FCHO2: variants seen among roughly 807,000 people sequenced by gnomAD.
The protein encoded by FCHO2 is FCH and mu domain containing endocytic adaptor 2.
FCHO2 carries 43 observed loss-of-function variants against 114.1 expected under a neutral mutation model. That is an observed-to-expected ratio of 0.38 (90% confidence interval 0.30 to 0.49). The LOEUF (loss-of-function observed/expected upper bound fraction) is 0.49. FCHO2 is among the 20% of genes least tolerant of loss of function. The pLI, the probability that FCHO2 is intolerant of heterozygous loss-of-function variation, is 0.97. For synonymous variants in FCHO2, 293 were observed against 315.2 expected (o/e 0.93, Z 0.75); for missense variants, 807 against 950.4 (o/e 0.85, Z 1.98).
At chr5:73,041,533 G>A (rs2112810212) in intron 11 of FCHO2, among the ~76,000 whole-genome samples, 1 of 152,104 alleles carries the variant, frequency 6.6e-6, no homozygotes, top group South Asian at 2.1e-4. Flanking sequence ...TTTGAAGAGT[G>A]GACATTTTAC....
intron 5 of FCHO2, among the ~76,000 whole-genome samples, chr5:73,001,109 G>C (rs1360758453): frequency 6.6e-6 from 1 of 152,006 alleles, no homozygotes; most frequent in East Asian, 1.9e-4. Flanking sequence ...AAATATACAT[G>C]TTTCTGGTGG....
In FCHO2 at chr5:73,006,554, G is replaced by A; in HGVS notation, c.600+5G>A. 1 of 1,500,790 alleles carries A rather than the reference G, an allele frequency of 6.7e-7. No individual in the cohort carries two copies. Among genetic ancestry groups the A allele is most frequent in the Non-Finnish European group, 8.9e-7 (1 of 1,129,056 alleles). 93.0% of individuals were successfully genotyped at this position (1,500,790 alleles called of 1,614,324 possible). On this transcript the variant is annotated splice_donor_5th_base_variant and intron_variant, in intron 6 of 25. Coordinates refer to ENST00000430046, the MANE Select transcript of FCHO2 (RefSeq NM_138782.3). ...AAAATGACAGAAACAGCTCAGGTTG[G>A]TATTTTAAGGCTTCAGATTGAAAAC...
chr5:72,968,527 C>T lies in FCHO2; in HGVS notation c.63C>T (p.Leu21=), dbSNP rs1752329392. Residue 21 remains leucine (L), a synonymous_variant, in exon 2 of 26, where the codon CTC becomes CTT. Transcript: ENST00000430046. The part of the protein sequence containing the change: ...WGEKNSGFDV[L]YHNMKHGQIS... ...AAAAAAATAGTGGCTTTGATGTCCT[C>T]TACCATAATATGAAACATGGACAGA... is the stretch of plus-strand genomic sequence containing the variant. The T allele has an allele frequency of 1.3e-6, 2 of 1,544,394 alleles. No homozygotes were observed. The highest frequency in any genetic ancestry group is 8.7e-7 in the Non-Finnish European group (1 of 1,153,880).
Position 73,006,488 on chromosome 5 carries a change from A to G in FCHO2, c.539A>G (p.Tyr180Cys), listed in dbSNP as rs1754722125. 1.9e-6 allele frequency: 3 copies of G among 1,577,864 alleles called. No individual in the cohort carries two copies. Among genetic ancestry groups the G allele is most frequent in the African/African-American group, 2.7e-5 (2 of 73,346 alleles). Residue 180 changes from tyrosine (Y) to cysteine (C), a missense_variant, in exon 6 of 26, where the codon TAT (tyrosine) becomes TGT (cysteine). Coordinates refer to ENST00000430046, the MANE Select transcript of FCHO2 (RefSeq NM_138782.3). ...AAAGCTACAGATACCTATAAACTCT[A>G]TGTGGAAAAATATGCATTAGCAAAA... Reference protein sequence around the residue: ...SKKATDTYKLYVEKYALAKAD... With the variant: ...SKKATDTYKLCVEKYALAKAD...
At chr5:73,066,927 A>G (rs1057505516) in intron 18 of FCHO2, among the ~76,000 whole-genome samples, 1 of 152,058 alleles carries the variant, frequency 6.6e-6, no homozygotes, top group Non-Finnish European at 1.5e-5. Flanking sequence ...ATATAATATA[A>G]GCAACATATA....
At chr5:73,014,391 C>T (rs1402054411) in intron 6 of FCHO2, among the ~76,000 whole-genome samples, 7 of 150,544 alleles carry the variant, frequency 4.6e-5, no homozygotes, top group South Asian at 2.1e-4. Flanking sequence ...CGGGTTCAAG[C>T]GATTCTCCTG....
At chr5:72,967,256 G>T (rs929613558) in intron 1 of FCHO2, among the ~76,000 whole-genome samples, 1 of 152,190 alleles carries the variant, frequency 6.6e-6, no homozygotes, top group Non-Finnish European at 1.5e-5. Context: ...CTGCACTCCA[G>T]CCTGGATGAT....
At chr5:72,981,708 A>T (rs925652941) in intron 2 of FCHO2, among the ~76,000 whole-genome samples, 2 of 152,120 alleles carry the variant, frequency 1.3e-5, no homozygotes, top group Non-Finnish European at 2.9e-5. Context: ...TCTTCAGTCT[A>T]TGATATCCTT....
At chr5:73,052,580 A>G in intron 13 of FCHO2, 73 bp downstream of exon 13, 9 of 1,175,636 alleles carry the variant, frequency 7.7e-6, no homozygotes, top group Middle Eastern at 2.4e-4. Context: ...CTGGTCAAAC[A>G]TTACTTAGCA....
At chr5:73,002,902 A>G (rs1364488930) in intron 5 of FCHO2, among the ~76,000 whole-genome samples, 1 of 152,234 alleles carries the variant, frequency 6.6e-6, no homozygotes, top group East Asian at 1.9e-4. Context: ...ACAGTCTATA[A>G]AAAGAAAACC....
At position 73,006,542 on chromosome 5, in the gene FCHO2, C is replaced by A. The variant is rs1754731408; in HGVS notation, c.593C>A (p.Thr198Lys). Residue 198 changes from threonine to lysine, a missense_variant, in exon 6 of 26, where the codon ACA (threonine) becomes AAA (lysine). Thr to Lys is a moderately conservative substitution (Grantham distance 78, BLOSUM62 -1). Transcript: ENST00000430046. ...KADFEQKMTETAQKFQDIEET... is the reference protein window; with the variant it reads ...KADFEQKMTEKAQKFQDIEET... ...GATTTCGAACAGAAAATGACAGAAA[C>A]AGCTCAGGTTGGTATTTTAAGGCTT... is the stretch of plus-strand genomic sequence containing the variant. The A allele has an allele frequency of 1.3e-6, 2 of 1,549,774 alleles. No individual in the cohort carries two copies. Among genetic ancestry groups the A allele is most frequent in the African/African-American group, 1.4e-5 (1 of 71,938 alleles).
intron 1 of FCHO2, among the ~76,000 whole-genome samples, chr5:72,959,877 T>C (rs901501673): frequency 6.6e-6 from 1 of 151,484 alleles, no homozygotes; most frequent in African/African-American, 2.4e-5. Flanking sequence ...CCACCCAAGC[T>C]CAAATGATCC....
At chr5:73,022,977 A>C (rs968639400) in intron 8 of FCHO2, among the ~76,000 whole-genome samples, 14 of 152,240 alleles carry the variant, frequency 9.2e-5, no homozygotes, top group African/African-American at 3.1e-4. Context: ...TAGTGTCAGC[A>C]TATTAATTTC....
intron 10 of FCHO2, among the ~76,000 whole-genome samples, chr5:73,038,355 G>A (rs765576636): frequency 3.9e-5 from 6 of 152,110 alleles, no homozygotes; most frequent in African/African-American, 7.2e-5. Context: ...TCTTTGAGCC[G>A]TGATTATTCA....
Position 72,985,362 on chromosome 5 carries a change from A to T in FCHO2, c.126-4065A>T, listed in dbSNP as rs886166061. Among the ~76,000 whole-genome samples the T allele has an allele frequency of 6.6e-5, 10 of 151,820 alleles. No individual in the cohort carries two copies. The South Asian group carries it at 2.1e-3, about 31-fold the overall frequency. On this transcript the variant is annotated intron_variant, in intron 2 of 25. Transcript: ENST00000430046. ...TTTTTAGTAGAGGCAGGGTTTCACC[A>T]TGTTGGCCAGGCTGATCTCGGACTC...
intron 2 of FCHO2, among the ~76,000 whole-genome samples, chr5:72,988,719 T>C (rs1753667258): frequency 6.6e-6 from 1 of 152,226 alleles, no homozygotes; most frequent in African/African-American, 2.4e-5. Context: ...CATTAATCTC[T>C]TGTTCTATTA....
chr5:72,995,503 G>T (rs1754043886), intron 5 of FCHO2, among the ~76,000 whole-genome samples: 2 of 152,130 alleles, frequency 1.3e-5, no homozygotes, highest in African/African-American at 4.8e-5. Flanking sequence ...CGATCTGCCT[G>T]CCTTGGCCTC....
chr5:73,086,260 C>T (rs1260786598), intron 24 of FCHO2, among the ~76,000 whole-genome samples: 1 of 152,168 alleles, frequency 6.6e-6, no homozygotes, highest in Non-Finnish European at 1.5e-5. Flanking sequence ...AGAACTTTTG[C>T]ACAACCAAAT....
intron 3 of FCHO2, among the ~76,000 whole-genome samples, chr5:72,990,215 TTAATA>T (rs946683933): frequency 1.3e-5 from 2 of 152,028 alleles, no homozygotes; most frequent in African/African-American, 4.8e-5. Context: ...AATTCAGAAA[TTAATA>T]TAATTAAGAG....
Sources: allele counts gnomAD v4.1 joint callset (sites outside exome capture counted in the v4.1 genomes callset), GRCh38; gene constraint gnomAD v4.1.1; transcripts MANE v1.5; gene names NCBI Gene and HGNC (gene_info 2026-07-23, HGNC 2026-07-21).